Variants in PRKN observed in about 807,000 individuals in gnomAD.
The protein encoded by PRKN is E3 ubiquitin-protein ligase parkin.
PRKN carries 56 observed loss-of-function variants against 59.5 expected under a neutral mutation model. The observed-to-expected ratio is 0.94, with a 90% confidence interval of 0.76 to 1.18. PRKN has a LOEUF of 1.18. PRKN is among the 50% of genes most tolerant of loss of function. The probability of loss-of-function intolerance (pLI) is 0.00; values close to 1 mark genes in which losing one functional copy is unlikely to be tolerated. For missense variants in PRKN, 657 were observed against 596.4 expected (o/e 1.10, Z -1.06); for synonymous variants, 250 against 222.1 (o/e 1.13, Z -1.12).
chr6:161,861,174 C>A (rs866350541), intron 6 of PRKN, among the ~76,000 whole-genome samples: 1 of 152,132 alleles, frequency 6.6e-6, no homozygotes, highest in Non-Finnish European at 1.5e-5. Context: ...AGAACCATCC[C>A]AAATGCCCAT....
chr6:162,167,263 T>G (rs1783031321), intron 4 of PRKN, among the ~76,000 whole-genome samples: 1 of 152,228 alleles, frequency 6.6e-6, no homozygotes, highest in Non-Finnish European at 1.5e-5. Context: ...GCTTGTATGT[T>G]GGCATCACAA....
At chr6:162,060,694 T>G (rs1325358218) in intron 4 of PRKN, among the ~76,000 whole-genome samples, 2 of 152,226 alleles carry the variant, frequency 1.3e-5, no homozygotes, top group Non-Finnish European at 2.9e-5. Flanking sequence ...TCTTGAGTTA[T>G]CTAAATAAAT....
rs1175385128 is a variant in PRKN, at chr6:161,467,849, C to G, written c.1084-80972G>C. ...GAGCTACATTCTCAGGAGGAATGGC[C>G]ATGGCTCCCTTGTGACCATGGAGGT... On this transcript the variant is annotated intron_variant, in intron 9 of 11. Coordinates refer to ENST00000366898, the MANE Select transcript of PRKN (RefSeq NM_004562.3). This position sits in a 1 kb window ranked among gnomAD's most constrained non-coding sequence, Gnocchi z 4.3. Among the ~76,000 whole-genome samples, 4 of 152,032 alleles carry G rather than the reference C, an allele frequency of 2.6e-5. No individual in the cohort carries two copies. Among genetic ancestry groups the G allele is most frequent in the Admixed American group, 1.3e-4 (2 of 15,270 alleles).
chr6:162,726,726 T>G (rs1250801857), intron 1 of PRKN, among the ~76,000 whole-genome samples: 5 of 152,210 alleles, frequency 3.3e-5, no homozygotes, highest in Non-Finnish European at 1.5e-5. Context: ...CAATCAAAAG[T>G]GTTTTGTAAA....
At chr6:162,504,160 G>T (rs1429660135) in intron 1 of PRKN, among the ~76,000 whole-genome samples, 1 of 152,178 alleles carries the variant, frequency 6.6e-6, no homozygotes, top group Non-Finnish European at 1.5e-5. Flanking sequence ...GGCCAACCCG[G>T]AGTGGTGAGA....
At chr6:161,415,612 C>T (rs1195856648) in intron 9 of PRKN, among the ~76,000 whole-genome samples, 1 of 138,090 alleles carries the variant, frequency 7.2e-6, no homozygotes, top group African/African-American at 2.7e-5. Flanking sequence ...CCCCCCGACC[C>T]CCCGCCAGCC....
chr6:162,385,311 C>T (rs1049357169), intron 2 of PRKN, among the ~76,000 whole-genome samples: 2 of 151,942 alleles, frequency 1.3e-5, no homozygotes, highest in Admixed American at 6.6e-5. Context: ...TGGTATAAAG[C>T]AAAAAGAGAA....
rs1288512030 is a variant in PRKN at position 161,350,675 on chromosome 6, AAT to A, written c.1286-466_1286-465del. 3.3e-4 allele frequency among the ~76,000 whole-genome samples: 21 copies of A among 63,690 alleles called. No individual in the cohort carries two copies. In the South Asian group the frequency reaches 0.014, roughly 41 times the overall value. 41.8% of individuals were successfully genotyped at this position (63,690 alleles called of 152,430 possible). ...TATATTTTTATATATTTATATTTAA[AAT>A]ATATATATTTTTATATATTTATATT... On this transcript the variant is annotated intron_variant, in intron 11 of 11. Transcript: ENST00000366898.
chr6:161,648,876 G>C (rs1021322558), intron 7 of PRKN, among the ~76,000 whole-genome samples: 2 of 152,166 alleles, frequency 1.3e-5, no homozygotes, highest in African/African-American at 4.8e-5. Context: ...AGAGTATGCA[G>C]AGCTATCAAG....
chr6:162,467,822 C>T (rs755207938), intron 1 of PRKN, among the ~76,000 whole-genome samples: 9 of 152,244 alleles, frequency 5.9e-5, no homozygotes, highest in East Asian at 3.9e-4. Context: ...GCTCCCGCTA[C>T]GCCGCCCACC....
At chr6:161,613,578 G>A (rs1052925776) in intron 7 of PRKN, among the ~76,000 whole-genome samples, 9 of 152,078 alleles carry the variant, frequency 5.9e-5, no homozygotes, top group African/African-American at 2.2e-4. Flanking sequence ...CATCTTTCAT[G>A]AAAAAAGAGT....
At chr6:161,754,428 C>T (rs1490555248) in intron 7 of PRKN, among the ~76,000 whole-genome samples, 1 of 151,946 alleles carries the variant, frequency 6.6e-6, no homozygotes, top group Non-Finnish European at 1.5e-5. Context: ...CAGGGAAGTG[C>T]ACGGGCCATG....
rs1309998456 is a variant in PRKN at position 161,544,540 on chromosome 6, TCATA to T, written c.1083+4310_1083+4313del. 5.3e-5 allele frequency among the ~76,000 whole-genome samples: 8 copies of T among 149,712 alleles called. No homozygotes were observed. The highest frequency in any genetic ancestry group is 1.2e-4 in the Non-Finnish European group (8 of 67,408). ...TTCATTCATTCATTCATTCATTCAT[TCATA>T]CATTTGATGAATGTTAAACACCAAA... is the stretch of plus-strand genomic sequence containing the variant. On this transcript the variant is annotated intron_variant, in intron 9 of 11. Transcript: ENST00000366898. This position sits in a 1 kb window ranked among gnomAD's most constrained non-coding sequence, Gnocchi z 5.5.
intron 7 of PRKN, among the ~76,000 whole-genome samples, chr6:161,778,361 A>G (rs12207168): frequency 0.4 from 60,578 of 152,024 alleles, 12,499 homozygotes; most frequent in South Asian, 0.52. Context: ...GATTGGAGCT[A>G]TGGATTCCAG....
At chr6:161,877,938 G>A (rs187136868) in intron 6 of PRKN, among the ~76,000 whole-genome samples, 1 of 151,932 alleles carries the variant, frequency 6.6e-6, no homozygotes, top group East Asian at 1.9e-4. Context: ...CGCTCAATGA[G>A]GGAGTGGGTG....
chr6:162,682,290 T>G (rs1354849435), intron 1 of PRKN, among the ~76,000 whole-genome samples: 2 of 151,842 alleles, frequency 1.3e-5, no homozygotes, highest in Non-Finnish European at 2.9e-5. Context: ...TGTCCTACCA[T>G]AAAGACACAG....
chr6:162,207,044 C>A (rs1207069256), intron 3 of PRKN, among the ~76,000 whole-genome samples: 1 of 152,154 alleles, frequency 6.6e-6, no homozygotes, highest in African/African-American at 2.4e-5. Context: ...TCCTGAATCA[C>A]CTCTTCTAAG....
At chr6:161,883,121 A>G (rs778959371) in intron 6 of PRKN, among the ~76,000 whole-genome samples, 10 of 152,188 alleles carry the variant, frequency 6.6e-5, no homozygotes, top group Non-Finnish European at 1.0e-4. Context: ...GCAGAAATAG[A>G]GGTAAGAGAG....
chr6:161,725,126 C>G (rs538908109), intron 7 of PRKN, among the ~76,000 whole-genome samples: 1 of 152,346 alleles, frequency 6.6e-6, no homozygotes, highest in East Asian at 1.9e-4. Flanking sequence ...CCTGCAGAAC[C>G]ATGAGCCAAT....
Sources: allele counts gnomAD v4.1 joint callset (sites outside exome capture counted in the v4.1 genomes callset), GRCh38; gene constraint gnomAD v4.1.1; non-coding constraint Gnocchi (gnomAD v3.1); transcripts MANE v1.5; gene names NCBI Gene and HGNC (gene_info 2026-07-23, HGNC 2026-07-21).